The following TENM3 variants were observed in gnomAD, a reference collection of about 807,000 sequenced individuals.
TENM3 encodes the protein teneurin-3.
TENM3 carries 63 observed loss-of-function variants against 255.1 expected under a neutral mutation model. That is an observed-to-expected ratio of 0.25 (90% CI 0.20 to 0.30). TENM3 has a LOEUF of 0.30. Among genes scored for constraint, TENM3 ranks in the 10% least tolerant of loss-of-function variants. The pLI, the probability that TENM3 is intolerant of heterozygous loss-of-function variation, is 1.00. For missense variants in TENM3, 2,929 were observed against 3,461.1 expected, an observed-to-expected ratio of 0.85 and a Z score of 3.86; for synonymous variants, 1,306 against 1,322.3, an observed-to-expected ratio of 0.99 and a Z score of 0.27.
chr4:182,255,751 A>C (rs1216241544), intron 1 of TENM3, among the ~76,000 whole-genome samples: 1 of 152,226 alleles, frequency 6.6e-6, no homozygotes, highest in Non-Finnish European at 1.5e-5. Flanking sequence ...TCAGAGAATT[A>C]GAGTGATCAA....
rs560203093 is a variant in TENM3 at position 182,234,204 on chromosome 4, G to A, written c.-76+89450G>A. On this transcript the variant is annotated intron_variant, in intron 1 of 2. Transcript: ENST00000512480. Reference sequence around the variant, plus strand: ...CTCTCTCTCTAACCTCTGTCTTAGAGGTGAGAATACAGGCTTACTATCCAC... The same window carrying A: ...CTCTCTCTCTAACCTCTGTCTTAGAAGTGAGAATACAGGCTTACTATCCAC... 3.9e-3 allele frequency among the ~76,000 whole-genome samples: 590 copies of A among 152,230 alleles called. 8 individuals carry two copies. Among genetic ancestry groups the A allele is most frequent in the African/African-American group, 0.014 (565 of 41,522 alleles).
At chr4:181,528,716 ATCCCAGAAAGCCT>A in the TENM3 span, among the ~76,000 whole-genome samples, 2 of 152,224 alleles carry the variant, frequency 1.3e-5, no homozygotes, top group African/African-American at 4.8e-5. Context: ...GTGGAATTCC[ATCCCAGAAAGCCT>A]GGCTGCAAAG....
chr4:181,656,328 C>T, the TENM3 span, among the ~76,000 whole-genome samples: 1 of 152,158 alleles, frequency 6.6e-6, no homozygotes, highest in Admixed American at 6.5e-5. Flanking sequence ...AAAGAGTTCA[C>T]ACGACCTCCT....
intron 22 of TENM3, among the ~76,000 whole-genome samples, chr4:182,768,675 A>G (rs1035437677): frequency 6.6e-6 from 1 of 152,202 alleles, no homozygotes; most frequent in Non-Finnish European, 1.5e-5. Flanking sequence ...ATTTGTCGAT[A>G]ATCCCACTAC....
the TENM3 span, among the ~76,000 whole-genome samples, chr4:181,985,528 C>G: frequency 6.6e-6 from 1 of 152,082 alleles, no homozygotes; most frequent in Non-Finnish European, 1.5e-5. Flanking sequence ...ACAGAGCCAG[C>G]AGAGAATCTG....
At chr4:182,743,067 C>A in intron 18 of TENM3, 103 bp from the exon 19 acceptor site, 1 of 1,235,062 alleles carries the variant, frequency 8.1e-7, no homozygotes, top group Non-Finnish European at 1.1e-6. Flanking sequence ...TTAATCCAGA[C>A]CTGACAGGCA....
chr4:182,004,966 T>G, the TENM3 span, among the ~76,000 whole-genome samples: 1 of 152,348 alleles, frequency 6.6e-6, no homozygotes, highest in Admixed American at 6.5e-5. Flanking sequence ...TTCTGGTTAT[T>G]AGACCTTTGT....
chr4:182,784,205 A>G (rs1432579078), intron 24 of TENM3, among the ~76,000 whole-genome samples: 7 of 152,004 alleles, frequency 4.6e-5, no homozygotes, highest in Admixed American at 4.6e-4. Flanking sequence ...TTGGTCTTTG[A>G]TGACGGTGAT....
Position 182,170,464 on chromosome 4 carries a change from C to T in TENM3, c.-76+25710C>T, listed in dbSNP as rs1388309810. ...GAAATTGACAAATTGGTTTACAAAC[C>T]CTGCCAAATTCAAACTTTATAAATC... On this transcript the variant is annotated intron_variant, in intron 1 of 2. Coordinates refer to the TENM3 transcript ENST00000512480. Among the ~76,000 whole-genome samples the T allele has an allele frequency of 2.0e-5, 3 of 151,964 alleles. No homozygotes were observed. In the East Asian group the frequency reaches 5.8e-4, roughly 29 times the overall value.
intron 3 of TENM3, among the ~76,000 whole-genome samples, chr4:182,511,416 G>GC (rs1580786964): frequency 6.6e-6 from 1 of 152,262 alleles, no homozygotes; most frequent in East Asian, 1.9e-4. Context: ...CATGGCAGCT[G>GC]CAAGAGTAAT....
At chr4:182,398,429 T>C (rs531952554) in intron 3 of TENM3, among the ~76,000 whole-genome samples, 1 of 152,080 alleles carries the variant, frequency 6.6e-6, no homozygotes, top group African/African-American at 2.4e-5. Flanking sequence ...ATTTCAGAGG[T>C]GCTGTTATAT....
intron 12 of TENM3, among the ~76,000 whole-genome samples, chr4:182,700,943 C>T (rs945279488): frequency 2.0e-5 from 3 of 152,040 alleles, no homozygotes. Flanking sequence ...TAACTTTAAG[C>T]ATGGGTGGGT....
chr4:181,701,445 C>T, the TENM3 span, among the ~76,000 whole-genome samples: 4 of 152,160 alleles, frequency 2.6e-5, no homozygotes, highest in Admixed American at 2.6e-4. Flanking sequence ...ACTCATAAAG[C>T]TTTTGCTGTT....
chr4:181,882,615 G>A, the TENM3 span, among the ~76,000 whole-genome samples: 1 of 152,294 alleles, frequency 6.6e-6, no homozygotes, highest in South Asian at 2.1e-4. Context: ...TCAGACACCT[G>A]GCATTGAAGA....
chr4:182,768,051 G>A (rs1763873536), intron 22 of TENM3, among the ~76,000 whole-genome samples: 1 of 152,124 alleles, frequency 6.6e-6, no homozygotes, highest in South Asian at 2.1e-4. Context: ...GTTTGAGTCG[G>A]GCCAGTTCAG....
chr4:181,912,840 T>C, the TENM3 span, among the ~76,000 whole-genome samples: 1 of 150,966 alleles, frequency 6.6e-6, no homozygotes, highest in African/African-American at 2.4e-5. Context: ...GGATTTTGAA[T>C]CTCTACTTGA....
intron 1 of TENM3, among the ~76,000 whole-genome samples, chr4:182,213,443 C>T (rs1384541607): frequency 1.3e-5 from 2 of 152,126 alleles, no homozygotes; most frequent in East Asian, 3.9e-4. Flanking sequence ...AGAATAAAAC[C>T]ATCATACCCC....
intron 1 of TENM3, among the ~76,000 whole-genome samples, chr4:182,233,508 CT>C (rs1311967391): frequency 1.3e-5 from 2 of 152,208 alleles, no homozygotes; most frequent in Non-Finnish European, 2.9e-5. Flanking sequence ...GCATTTAATA[CT>C]TTTTTGGCAG....
At chr4:182,079,220 CAAGAGTA>C in the TENM3 span, among the ~76,000 whole-genome samples, 1 of 152,044 alleles carries the variant, frequency 6.6e-6, no homozygotes, top group African/African-American at 2.4e-5. Context: ...ATACCAGAGT[CAAGAGTA>C]AAGAGTTGGC....
Sources: allele counts gnomAD v4.1 joint callset (sites outside exome capture counted in the v4.1 genomes callset), GRCh38; gene constraint gnomAD v4.1.1; transcripts MANE v1.5; gene names NCBI Gene and HGNC (gene_info 2026-07-23, HGNC 2026-07-21).